The following TNFSF15 variants were observed in gnomAD, a reference collection of about 807,000 sequenced individuals.
TNFSF15 encodes the protein TNF superfamily member 15, also known as tumor necrosis factor ligand superfamily member 15.
Under a neutral mutation model 26.4 loss-of-function variants are expected in TNFSF15, and 15 were observed. That is an observed-to-expected ratio of 0.57 (90% CI 0.38 to 0.87). The LOEUF (loss-of-function observed/expected upper bound fraction) is 0.87. Among genes scored for constraint, TNFSF15 ranks in the 40% least tolerant of loss-of-function variants. The probability of loss-of-function intolerance (pLI) is 0.00; values close to 1 mark genes in which losing one functional copy is unlikely to be tolerated. For missense variants in TNFSF15, 290 were observed against 306.1 expected, an observed-to-expected ratio of 0.95 and a Z score of 0.39; for synonymous variants, 116 against 115.0, an observed-to-expected ratio of 1.01 and a Z score of -0.06.
chr9:114,795,920 G>C (rs113687424), intron 1 of TNFSF15, among the ~76,000 whole-genome samples: 10 of 152,238 alleles, frequency 6.6e-5, no homozygotes, highest in African/African-American at 1.9e-4. Flanking sequence ...GATTTTGTTA[G>C]AGCCGGGACC....
At chr9:114,798,074 T>C (rs1829694840) in intron 1 of TNFSF15, among the ~76,000 whole-genome samples, 1 of 152,208 alleles carries the variant, frequency 6.6e-6, no homozygotes, top group Non-Finnish European at 1.5e-5. Flanking sequence ...GAAAGACAAC[T>C]TTTTGTTCCT....
intron 1 of TNFSF15, among the ~76,000 whole-genome samples, chr9:114,795,687 C>T (rs940770080): frequency 4.6e-5 from 7 of 152,036 alleles, no homozygotes; most frequent in Non-Finnish European, 1.0e-4. Context: ...CTGTGGATAC[C>T]GAGGGAGGAC....
chr9:114,792,880 C>T (rs1026003136), intron 2 of TNFSF15, among the ~76,000 whole-genome samples: 1 of 152,168 alleles, frequency 6.6e-6, no homozygotes, highest in Non-Finnish European at 1.5e-5. Context: ...CTTCCATGGT[C>T]CCTTTAACTA....
chr9:114,801,028 G>A (rs1438603073), intron 1 of TNFSF15, among the ~76,000 whole-genome samples: 1 of 152,194 alleles, frequency 6.6e-6, no homozygotes, highest in Admixed American at 6.5e-5. Context: ...AGAATGTGGG[G>A]AGAGTGTGCA....
At position 114,786,422 on chromosome 9, in the gene TNFSF15, G is replaced by A. The variant is rs1327797308; in HGVS notation, c.*4030C>T. 1 of 152,206 alleles carries A rather than the reference G, an allele frequency of 6.6e-6. No individual in the cohort carries two copies. The highest frequency in any genetic ancestry group is 1.5e-5 in the Non-Finnish European group (1 of 68,038). 9.4% of individuals were successfully genotyped at this position (152,206 alleles called of 1,614,324 possible). On this transcript the variant is annotated 3_prime_UTR_variant, in exon 4 of 4. Transcript: ENST00000374045. ...GCAATGGCCGTGCCTTGTGCACAGTGAGTTAGTTAAACTTTTATAATCCAG... is the reference window on the plus strand; with the variant it reads ...GCAATGGCCGTGCCTTGTGCACAGTAAGTTAGTTAAACTTTTATAATCCAG...
intron 1 of TNFSF15, among the ~76,000 whole-genome samples, chr9:114,795,885 C>G (rs930668072): frequency 1.2e-4 from 19 of 152,176 alleles, no homozygotes; most frequent in Non-Finnish European, 2.4e-4. Flanking sequence ...GAGTCTAGGT[C>G]TGTGAGCAGG....
At chr9:114,801,351 G>T (rs371207078) in intron 1 of TNFSF15, among the ~76,000 whole-genome samples, 1 of 152,304 alleles carries the variant, frequency 6.6e-6, no homozygotes, top group East Asian at 1.9e-4. Flanking sequence ...GCTGTCAAGT[G>T]CAGCTGGGTA....
intron 1 of TNFSF15, among the ~76,000 whole-genome samples, chr9:114,801,076 G>T (rs773032050): frequency 3.9e-5 from 6 of 152,194 alleles, no homozygotes; most frequent in Non-Finnish European, 8.8e-5. Context: ...GGAAGGACAG[G>T]TTGGGCAGTG....
rs1232265652 is a variant in TNFSF15 at position 114,790,362 on chromosome 9, A to C, written c.*90T>G. 2 of 1,376,514 alleles carry C rather than the reference A, an allele frequency of 1.5e-6. No homozygotes were observed. Among genetic ancestry groups the C allele is most frequent in the African/African-American group, 2.9e-5 (2 of 68,712 alleles). 85.3% of individuals were successfully genotyped at this position (1,376,514 alleles called of 1,614,324 possible). On this transcript the variant is annotated 3_prime_UTR_variant, in exon 4 of 4. Coordinates refer to ENST00000374045, the MANE Select transcript of TNFSF15 (RefSeq NM_005118.4). ...TGGAATGCCCCCTACTCCCGGCCCC[A>C]AGAAAACCCCTGGTTATAATTACAT...
chr9:114,793,492 C>T, intron 2 of TNFSF15, 34 bp downstream of exon 2: 1 of 1,611,932 alleles, frequency 6.2e-7, no homozygotes, highest in Non-Finnish European at 8.5e-7. Context: ...TCTTATTCCC[C>T]ACGAGGAAAG....
chr9:114,796,091 C>T (rs1022645220), intron 1 of TNFSF15, among the ~76,000 whole-genome samples: 2 of 152,194 alleles, frequency 1.3e-5, no homozygotes, highest in African/African-American at 4.8e-5. Context: ...TGCTTTCTCT[C>T]GATTACCAGA....
At chr9:114,796,264 T>G (rs1829671068) in intron 1 of TNFSF15, among the ~76,000 whole-genome samples, 1 of 152,216 alleles carries the variant, frequency 6.6e-6, no homozygotes, top group Non-Finnish European at 1.5e-5. Context: ...TCCTTTTCCT[T>G]GATCTATTTC....
At chr9:114,795,868 C>T (rs1829666624) in intron 1 of TNFSF15, among the ~76,000 whole-genome samples, 1 of 152,134 alleles carries the variant, frequency 6.6e-6, no homozygotes, top group Non-Finnish European at 1.5e-5. Context: ...GTAATTGTGT[C>T]ATTGCTGAGT....
At chr9:114,805,753 T>G (rs1829812061) in intron 1 of TNFSF15, 50 bp downstream of exon 1, 1 of 1,566,706 alleles carries the variant, frequency 6.4e-7, no homozygotes, top group Admixed American at 1.7e-5. Context: ...TGCCACTCAC[T>G]GCAGAGAGTC....
chr9:114,799,710 C>T (rs537412015), intron 1 of TNFSF15, among the ~76,000 whole-genome samples: 4 of 152,182 alleles, frequency 2.6e-5, no homozygotes, highest in East Asian at 1.9e-4. Context: ...CCATTGGGTG[C>T]GGATGCAGGA....
chr9:114,798,335 T>G (rs946562285), intron 1 of TNFSF15, among the ~76,000 whole-genome samples: 1 of 152,160 alleles, frequency 6.6e-6, no homozygotes, highest in Non-Finnish European at 1.5e-5. Context: ...TCCTTAGTTC[T>G]TGTAGGTCAG....
intron 1 of TNFSF15, among the ~76,000 whole-genome samples, chr9:114,795,558 G>A (rs529580291): frequency 6.6e-6 from 1 of 152,292 alleles, no homozygotes; most frequent in Non-Finnish European, 1.5e-5. Flanking sequence ...AGCAATCTAT[G>A]GATGATTTAA....
At chr9:114,801,116 G>T (rs944125024) in intron 1 of TNFSF15, among the ~76,000 whole-genome samples, 1 of 152,176 alleles carries the variant, frequency 6.6e-6, no homozygotes, top group Non-Finnish European at 1.5e-5. Flanking sequence ...TGCCTCCTAC[G>T]GCATCCCTGA....
At position 114,803,476 on chromosome 9, in the gene TNFSF15, T is replaced by C. The variant is rs143304750; in HGVS notation, c.210+2327A>G. On this transcript the variant is annotated intron_variant, in intron 1 of 3. Coordinates refer to ENST00000374045, the MANE Select transcript of TNFSF15 (RefSeq NM_005118.4). ...CACTGTATGTTTACCCAAGTTCTCC[T>C]TGGTGCCCTGGTTTTCCCTCCTTGA... Among the ~76,000 whole-genome samples, 13 of 152,344 alleles carry C rather than the reference T, an allele frequency of 8.5e-5. No individual in the cohort carries two copies. The East Asian group carries it at 2.5e-3, about 29-fold the overall frequency.
Sources: allele counts gnomAD v4.1 joint callset (sites outside exome capture counted in the v4.1 genomes callset), GRCh38; gene constraint gnomAD v4.1.1; transcripts MANE v1.5; gene names NCBI Gene and HGNC (gene_info 2026-07-23, HGNC 2026-07-21).